IL1RAPL2: variants seen among roughly 807,000 people sequenced by gnomAD.
IL1RAPL2 encodes the protein X-linked interleukin-1 receptor accessory protein-like 2.
IL1RAPL2 carries 3 observed loss-of-function variants against 44.1 expected under a neutral mutation model. That is an observed-to-expected ratio of 0.07 (90% CI 0.03 to 0.18). IL1RAPL2 has a LOEUF of 0.18. Among genes scored for constraint, IL1RAPL2 ranks in the 10% least tolerant of loss-of-function variants. The probability of loss-of-function intolerance (pLI) is 1.00; values close to 1 mark genes in which losing one functional copy is unlikely to be tolerated. For missense variants in IL1RAPL2, 391 were observed against 496.4 expected (o/e 0.79, Z 2.02); for synonymous variants, 181 against 178.8 (o/e 1.01, Z -0.10).
At chrX:105,372,654 C>G (rs1053284709) in intron 5 of IL1RAPL2, among the ~76,000 whole-genome samples, 3 of 110,798 alleles carry the variant, frequency 2.7e-5, no homozygotes, top group Non-Finnish European at 5.7e-5. Context: ...CCGGTAGGCC[C>G]CAGCATCTGT....
chrX:105,002,361 G>A (rs2030866455), intron 2 of IL1RAPL2, among the ~76,000 whole-genome samples: 1 of 111,037 alleles, frequency 9.0e-6, no homozygotes, highest in Admixed American at 9.6e-5. Context: ...ACATACATAT[G>A]ATGCCTTGAA....
chrX:105,174,358 G>T (rs2033453454), intron 2 of IL1RAPL2, among the ~76,000 whole-genome samples: 1 of 111,366 alleles, frequency 9.0e-6, no homozygotes, highest in Non-Finnish European at 1.9e-5. Context: ...CATGCAGGCT[G>T]GAAGTCTTAA....
chrX:105,120,157 A>G (rs1228397658), intron 2 of IL1RAPL2, among the ~76,000 whole-genome samples: 1 of 107,801 alleles, frequency 9.3e-6, no homozygotes, highest in East Asian at 2.9e-4. Context: ...GTGGGGCTGC[A>G]AGATAGCTTC....
At chrX:104,640,375 A>G (rs972464219) in intron 1 of IL1RAPL2, among the ~76,000 whole-genome samples, 2 of 111,623 alleles carry the variant, frequency 1.8e-5, no homozygotes, top group East Asian at 2.8e-4. Context: ...TAAAGTTCTC[A>G]TTCATATCCT....
At chrX:105,283,289 A>G (rs1365121532) in intron 5 of IL1RAPL2, among the ~76,000 whole-genome samples, 2 of 111,620 alleles carry the variant, frequency 1.8e-5, no homozygotes, top group African/African-American at 6.5e-5. Context: ...ATATATTGCA[A>G]TATATCATTA....
At chrX:104,901,199 CTTTTTTTTTTTTTTTTTTTT>C (rs1194148816) in intron 2 of IL1RAPL2, among the ~76,000 whole-genome samples, 1 of 32,115 alleles carries the variant, frequency 3.1e-5, no homozygotes, top group Admixed American at 6.1e-4. Context: ...TCTTTTGCTT[CTTTTTTTTTTTTTTTTTTTT>C]TTTTTTTTTG....
intron 2 of IL1RAPL2, among the ~76,000 whole-genome samples, chrX:105,137,645 T>C (rs992852456): frequency 8.9e-6 from 1 of 112,422 alleles, no homozygotes; most frequent in African/African-American, 3.2e-5. Context: ...TTCTTCTTCA[T>C]TTTTTAAAAA....
At chrX:104,625,574 C>T (rs1176724158) in intron 1 of IL1RAPL2, among the ~76,000 whole-genome samples, 1 of 111,039 alleles carries the variant, frequency 9.0e-6, no homozygotes, top group Non-Finnish European at 1.9e-5. Context: ...TTCTCCTTTC[C>T]TTGTCTATCT....
At chrX:105,030,879 G>T (rs1051387196) in intron 2 of IL1RAPL2, among the ~76,000 whole-genome samples, 1 of 111,754 alleles carries the variant, frequency 8.9e-6, no homozygotes, top group Non-Finnish European at 1.9e-5. Flanking sequence ...CCATGAGCGT[G>T]GAATGTTCTT....
chrX:104,654,964 GCTCT>G (rs1930225745), intron 1 of IL1RAPL2, among the ~76,000 whole-genome samples: 2 of 110,831 alleles, frequency 1.8e-5, no homozygotes, highest in African/African-American at 3.3e-5. Flanking sequence ...TCATGATTTG[GCTCT>G]CTGTTTGTCT....
intron 5 of IL1RAPL2, among the ~76,000 whole-genome samples, chrX:105,270,914 T>G (rs1327169976): frequency 8.9e-6 from 1 of 111,877 alleles, no homozygotes; most frequent in Admixed American, 9.6e-5. Flanking sequence ...AAATGGTGTA[T>G]TTCCCTTATG....
chrX:104,961,929 T>C (rs1019875005), intron 2 of IL1RAPL2, among the ~76,000 whole-genome samples: 1 of 112,288 alleles, frequency 8.9e-6, no homozygotes, highest in African/African-American at 3.2e-5. Flanking sequence ...TTTTGGAAAA[T>C]AGACACCACT....
In IL1RAPL2 at chrX:104,946,374, C is replaced by G. The variant is rs763597854; in HGVS notation, c.83-249101C>G. Among the ~76,000 whole-genome samples the G allele has an allele frequency of 1.6e-3, 3 of 1,913 alleles. No individual in the cohort carries two copies. The Non-Finnish European group carries it at 0.021, about 14-fold the overall frequency. 1.7% of individuals were successfully genotyped at this position (1,913 alleles called of 115,157 possible). ...TGGCCTGGGCGACAGAGCAAGACTCCGTCTCAAAAAAAAAAAAAAAAAAAA... is the reference window on the plus strand; with the variant it reads ...TGGCCTGGGCGACAGAGCAAGACTCGGTCTCAAAAAAAAAAAAAAAAAAAA... On this transcript the variant is annotated intron_variant, in intron 2 of 10. Transcript: ENST00000372582.
intron 2 of IL1RAPL2, among the ~76,000 whole-genome samples, chrX:105,081,405 G>T (rs1286527021): frequency 2.7e-5 from 3 of 111,425 alleles, no homozygotes; most frequent in Middle Eastern, 4.7e-3. Flanking sequence ...TGAATTATTA[G>T]AACCTTTTCA....
intron 2 of IL1RAPL2, among the ~76,000 whole-genome samples, chrX:104,953,471 G>A (rs1366381009): frequency 9.0e-6 from 1 of 111,565 alleles, no homozygotes; most frequent in East Asian, 2.8e-4. Flanking sequence ...CTCTTGAGTG[G>A]ATTAACCCTT....
In IL1RAPL2 at chrX:105,527,192, TG is replaced by T. The variant is rs773276079; in HGVS notation, c.772+42806del. On this transcript the variant is annotated intron_variant, in intron 6 of 10. Coordinates refer to ENST00000372582, the MANE Select transcript of IL1RAPL2 (RefSeq NM_017416.2). Reference sequence around the variant, plus strand: ...CAAAAGACTAGTTTCTAGAGTGAGTTGTAAGAATTGAATGAATGAATGACAG... The same window carrying T: ...CAAAAGACTAGTTTCTAGAGTGAGTTTAAGAATTGAATGAATGAATGACAG... 2.7e-5 allele frequency among the ~76,000 whole-genome samples: 3 copies of T among 110,912 alleles called. No individual in the cohort carries two copies. In the South Asian group the frequency reaches 1.1e-3, roughly 42 times the overall value.
intron 2 of IL1RAPL2, among the ~76,000 whole-genome samples, chrX:105,066,940 T>G (rs927078969): frequency 9.0e-6 from 1 of 111,537 alleles, no homozygotes; most frequent in Non-Finnish European, 1.9e-5. Context: ...GGAGGGTGCT[T>G]TAAGAATTTT....
chrX:105,443,841 T>C (rs2035936845), intron 5 of IL1RAPL2, among the ~76,000 whole-genome samples: 1 of 109,469 alleles, frequency 9.1e-6, no homozygotes, highest in Non-Finnish European at 1.9e-5. Flanking sequence ...GATTTCCTTT[T>C]TGGGGGGTAT....
At chrX:105,761,222 C>T (rs1378398167) in intron 10 of IL1RAPL2, among the ~76,000 whole-genome samples, 13 of 68,838 alleles carry the variant, frequency 1.9e-4, no homozygotes, top group Non-Finnish European at 2.7e-4. Flanking sequence ...TCTTCCTATA[C>T]ACACACACAC....
Sources: gnomAD v4.1 joint callset for allele counts (sites outside exome capture counted in the v4.1 genomes callset) on GRCh38, gnomAD v4.1.1 for gene constraint, MANE v1.5 for transcripts, NCBI Gene and HGNC (gene_info 2026-07-23, HGNC 2026-07-21) for gene names.